The following UBAP1 variants were observed in gnomAD, a reference collection of about 807,000 sequenced individuals.
UBAP1 encodes the protein ubiquitin associated protein 1.
UBAP1 carries 5 observed loss-of-function variants against 39.0 expected under a neutral mutation model. The ratio of observed to expected loss-of-function variants is 0.13; its 90% confidence interval spans 0.07 to 0.27. UBAP1 has a LOEUF of 0.27. UBAP1 is among the 10% of genes least tolerant of loss of function. The pLI is 1.00. For synonymous variants in UBAP1, 211 were observed against 225.1 expected (o/e 0.94, Z 0.56); for missense variants, 490 against 608.1 (o/e 0.81, Z 2.04).
chr9:34,249,020 A>G (rs936074338), intron 4 of UBAP1, among the ~76,000 whole-genome samples: 4 of 152,060 alleles, frequency 2.6e-5, no homozygotes, highest in Non-Finnish European at 4.4e-5. Flanking sequence ...CTGTACGCCT[A>G]TCCGACTGGG....
chr9:34,217,096 G>A (rs1832366209), intron 1 of UBAP1, among the ~76,000 whole-genome samples: 1 of 151,976 alleles, frequency 6.6e-6, no homozygotes, highest in Non-Finnish European at 1.5e-5. Context: ...AAGGGTGTTT[G>A]CTATTTATTT....
intron 2 of UBAP1, among the ~76,000 whole-genome samples, chr9:34,222,341 A>G (rs1455969160): frequency 3.3e-5 from 5 of 152,174 alleles, no homozygotes; most frequent in African/African-American, 1.2e-4. Context: ...ACTTACATAG[A>G]TAACCTGCCT....
chr9:34,240,626 T>C (rs1239874178), intron 3 of UBAP1, among the ~76,000 whole-genome samples: 1 of 152,218 alleles, frequency 6.6e-6, no homozygotes, highest in Non-Finnish European at 1.5e-5. Flanking sequence ...TGATTTCTTA[T>C]AAGTTTTTCT....
intron 3 of UBAP1, among the ~76,000 whole-genome samples, chr9:34,239,191 G>A (rs1256287521): frequency 1.3e-5 from 2 of 152,202 alleles, no homozygotes; most frequent in Non-Finnish European, 2.9e-5. Context: ...ACTACGGCAT[G>A]TGCCACCACA....
intron 1 of UBAP1, among the ~76,000 whole-genome samples, chr9:34,179,668 A>G (rs867770672): frequency 9.2e-5 from 14 of 152,008 alleles, no homozygotes; most frequent in African/African-American, 2.7e-4. Context: ...CCCTGAGGCA[A>G]TGAGATTGGG....
intron 1 of UBAP1, among the ~76,000 whole-genome samples, chr9:34,212,987 A>G (rs2131558603): frequency 6.6e-6 from 1 of 152,362 alleles, no homozygotes; most frequent in Middle Eastern, 3.4e-3. Context: ...CAACATATCA[A>G]AAAGATAATC....
chr9:34,202,039 G>A (rs370582438), intron 1 of UBAP1, among the ~76,000 whole-genome samples: 10 of 152,154 alleles, frequency 6.6e-5, no homozygotes, highest in African/African-American at 2.2e-4. Context: ...CCTCCCTGGG[G>A]TGTCACCATC....
In UBAP1 at chr9:34,196,401, T is replaced by A. The variant is rs139546201; in HGVS notation, c.-8+17161T>A. Among the ~76,000 whole-genome samples, 556 of 151,426 alleles carry A rather than the reference T, an allele frequency of 3.7e-3. 3 individuals are homozygous for A. Among genetic ancestry groups the A allele is most frequent in the African/African-American group, 0.013 (541 of 41,276 alleles). ...CGTGATCTCGGCTCACTGCAACCTC[T>A]GCCTCCTGGGTTCAAGCGATTCTCC... On this transcript the variant is annotated intron_variant, in intron 1 of 6. Coordinates refer to ENST00000297661, the MANE Select transcript of UBAP1 (RefSeq NM_016525.5).
chr9:34,244,100 G>A lies in UBAP1; in HGVS notation c.1083+1992G>A, dbSNP rs1024521756. On this transcript the variant is annotated intron_variant, in intron 4 of 6. Transcript: ENST00000297661. ...CCTGACCTCGTGATCCGCCCGCCTCGGCCTCCCAAATGCTGGGATTACAGG... is the reference window on the plus strand; with the variant it reads ...CCTGACCTCGTGATCCGCCCGCCTCAGCCTCCCAAATGCTGGGATTACAGG... 4.6e-5 allele frequency among the ~76,000 whole-genome samples: 7 copies of A among 151,850 alleles called. No individual in the cohort carries two copies. The South Asian group carries it at 6.3e-4, about 14-fold the overall frequency.
chr9:34,227,827 G>A (rs1833182617), intron 2 of UBAP1, among the ~76,000 whole-genome samples: 1 of 152,190 alleles, frequency 6.6e-6, no homozygotes, highest in Non-Finnish European at 1.5e-5. Flanking sequence ...GCAGAAAATT[G>A]TTAGCTATAA....
chr9:34,250,536 A>G (rs1834430192), intron 5 of UBAP1, 122 bp from the exon 6 acceptor site: 1 of 659,004 alleles, frequency 1.5e-6, no homozygotes, highest in Admixed American at 2.8e-5. Flanking sequence ...ATCAAATCCT[A>G]TCCAGTATCT....
At chr9:34,218,365 T>G (rs1832464451) in intron 1 of UBAP1, among the ~76,000 whole-genome samples, 1 of 150,546 alleles carries the variant, frequency 6.6e-6, no homozygotes, top group African/African-American at 2.4e-5. Context: ...ATTCTAGGTG[T>G]TGTTTGGAAA....
chr9:34,203,840 G>C (rs1831534259), intron 1 of UBAP1, among the ~76,000 whole-genome samples: 2 of 152,080 alleles, frequency 1.3e-5, no homozygotes, highest in African/African-American at 4.8e-5. Flanking sequence ...GGGGATTTGA[G>C]TTTTCAAGTT....
Position 34,247,624 on chromosome 9 carries a change from G to A in UBAP1, c.1084-2155G>A, listed in dbSNP as rs528549052. 5.6e-4 allele frequency among the ~76,000 whole-genome samples: 85 copies of A among 151,990 alleles called. 1 individual carries two copies. The highest frequency in any genetic ancestry group is 3.9e-3 in the East Asian group (20 of 5,132). On this transcript the variant is annotated intron_variant, in intron 4 of 6. Transcript: ENST00000297661. ...TTTTTAGTAGAGATGGGGTTTCTCC[G>A]TGTTGGTCAGGCTGGTCTTGAACTC...
At chr9:34,187,418 G>T (rs1830464087) in intron 1 of UBAP1, among the ~76,000 whole-genome samples, 1 of 152,160 alleles carries the variant, frequency 6.6e-6, no homozygotes, top group African/African-American at 2.4e-5. Flanking sequence ...AAAGGAGGTT[G>T]GATTGTGCCT....
intron 1 of UBAP1, among the ~76,000 whole-genome samples, chr9:34,193,109 A>G (rs1454990406): frequency 6.6e-6 from 1 of 151,934 alleles, no homozygotes; most frequent in Non-Finnish European, 1.5e-5. Flanking sequence ...GAGTTTGAGA[A>G]CAGCTTGGCC....
intron 2 of UBAP1, 32 bp downstream of exon 2, chr9:34,220,980 TATG>T: frequency 6.3e-7 from 1 of 1,595,592 alleles, no homozygotes; most frequent in Non-Finnish European, 8.6e-7. Context: ...TGGTTTAAGT[TATG>T]ATTTGATCAG....
At chr9:34,244,397 G>A (rs1435558604) in intron 4 of UBAP1, among the ~76,000 whole-genome samples, 1 of 131,180 alleles carries the variant, frequency 7.6e-6, no homozygotes, top group Non-Finnish European at 1.6e-5. Context: ...ATGGCTGAAC[G>A]GTACTCCATT....
chr9:34,198,705 C>T (rs1183632099), intron 1 of UBAP1, among the ~76,000 whole-genome samples: 2 of 152,170 alleles, frequency 1.3e-5, no homozygotes, highest in African/African-American at 4.8e-5. Flanking sequence ...TCTAGCCCTC[C>T]CATTTCTTCC....
Sources: allele counts gnomAD v4.1 joint callset (sites outside exome capture counted in the v4.1 genomes callset), GRCh38; gene constraint gnomAD v4.1.1; transcripts MANE v1.5; gene names NCBI Gene and HGNC (gene_info 2026-07-23, HGNC 2026-07-21).